Variants in GNS observed in about 807,000 individuals in gnomAD.
GNS encodes the protein glucosamine (N-acetyl)-6-sulfatase.
Under a neutral mutation model 69.7 loss-of-function variants are expected in GNS, and 40 were observed. That is an observed-to-expected ratio of 0.57 (90% CI 0.45 to 0.75). GNS has a LOEUF of 0.75. GNS is among the 30% of genes least tolerant of loss of function. The pLI, the probability that GNS is intolerant of heterozygous loss-of-function variation, is 0.00. For missense variants in GNS, 565 were observed against 685.5 expected (o/e 0.82, Z 1.96); for synonymous variants, 243 against 251.6 (o/e 0.97, Z 0.32).
chr12:64,721,304 T>C (rs1165708466), intron 12 of GNS, among the ~76,000 whole-genome samples: 2 of 152,212 alleles, frequency 1.3e-5, no homozygotes, highest in Non-Finnish European at 2.9e-5. Context: ...CCAACCAATC[T>C]ACCAGGGAAG....
chr12:64,734,352 C>T (rs566044900), intron 9 of GNS, among the ~76,000 whole-genome samples: 1 of 152,160 alleles, frequency 6.6e-6, no homozygotes, highest in Admixed American at 6.5e-5. Flanking sequence ...AAAAGACAAA[C>T]TTAATAGGGT....
At position 64,722,934 on chromosome 12, in the gene GNS, A is replaced by G. The variant is rs527571979; in HGVS notation, c.1308+72T>C. The G allele has an allele frequency of 4.2e-5, 38 of 897,790 alleles. No individual in the cohort carries two copies. In the East Asian group the frequency reaches 8.2e-4, roughly 19 times the overall value. The allele number at this position is 897,790 out of a possible 1,614,324, so 55.6% of individuals were successfully genotyped here. A position where few individuals can be genotyped will look rare whatever the true frequency, so the allele number is the denominator to read the frequency against. Reference sequence around the variant, plus strand: ...CTCAGATGAAAGGTTTCAATATTTGACACATGGCAACCAGCACCTTGCCAT... The same window carrying G: ...CTCAGATGAAAGGTTTCAATATTTGGCACATGGCAACCAGCACCTTGCCAT... On this transcript the variant is annotated intron_variant, in intron 11 of 13. Coordinates refer to ENST00000258145, the MANE Select transcript of GNS (RefSeq NM_002076.4).
At chr12:64,728,048 C>T (rs1001543500) in intron 10 of GNS, among the ~76,000 whole-genome samples, 2 of 152,162 alleles carry the variant, frequency 1.3e-5, no homozygotes. Flanking sequence ...CTCAGCCTCC[C>T]GAGTAGCTGG....
chr12:64,714,566 C>T lies in GNS; in HGVS notation c.*2175G>A, dbSNP rs369653063. The T allele has an allele frequency of 1.3e-4, 20 of 152,104 alleles. No homozygotes were observed. Among genetic ancestry groups the T allele is most frequent in the African/African-American group, 3.9e-4 (16 of 41,402 alleles). 9.4% of individuals were successfully genotyped at this position (152,104 alleles called of 1,614,324 possible). ...AGGAAATATACCAAAAATAGAAGAG[C>T]GTAGAGAGGGCTGCACCACATCCTA... On this transcript the variant is annotated 3_prime_UTR_variant, in exon 14 of 14. Coordinates refer to ENST00000258145, the MANE Select transcript of GNS (RefSeq NM_002076.4).
chr12:64,752,972 A>G, intron 1 of GNS: 1 of 583,670 alleles, frequency 1.7e-6, no homozygotes, highest in East Asian at 2.9e-5. Context: ...AAATGCTTGC[A>G]GGAAGGGAAA....
At chr12:64,756,708 G>A in intron 1 of GNS, 1 of 1,454,752 alleles carries the variant, frequency 6.9e-7, no homozygotes, top group Non-Finnish European at 9.3e-7. Flanking sequence ...TCTTGTCCTA[G>A]CTCTTCCCCT....
chr12:64,758,961 C>G, intron 1 of GNS, 124 bp downstream of exon 1: 2 of 855,854 alleles, frequency 2.3e-6, no homozygotes, highest in South Asian at 2.9e-5. Flanking sequence ...GGTGGGAAAA[C>G]CAAACCTACC....
chr12:64,730,344 A>G (rs1869344261), intron 9 of GNS, among the ~76,000 whole-genome samples: 1 of 150,570 alleles, frequency 6.6e-6, no homozygotes, highest in South Asian at 2.1e-4. Flanking sequence ...ATCTTAGGAG[A>G]GGCCAAACAG....
intron 4 of GNS, 146 bp from the exon 5 acceptor site, chr12:64,745,053 A>C: frequency 6.2e-6 from 4 of 645,676 alleles, no homozygotes; most frequent in South Asian, 5.0e-5. Context: ...GGATTTTTTG[A>C]CTAGGGTTTT....
At chr12:64,758,946 C>T in intron 1 of GNS, 139 bp downstream of exon 1, 1 of 742,248 alleles carries the variant, frequency 1.3e-6, no homozygotes, top group Non-Finnish European at 2.4e-6. Context: ...GCATAAAGGG[C>T]CTCAGGTGGG....
intron 9 of GNS, among the ~76,000 whole-genome samples, chr12:64,731,210 G>A (rs1267660359): frequency 6.6e-6 from 1 of 152,114 alleles, no homozygotes; most frequent in East Asian, 1.9e-4. Context: ...CAGAGCAACT[G>A]GGACTACAGG....
Position 64,745,695 on chromosome 12 carries a change from T to C in GNS, c.489A>G (p.Glu163=). 6.2e-7 allele frequency: 1 copy of C among 1,609,658 alleles called. No homozygotes were observed. The highest frequency in any genetic ancestry group is 2.2e-5 in the East Asian group (1 of 44,862). Residue 163 remains glutamate, a synonymous_variant, in exon 4 of 14, where the codon GAA becomes GAG. Coordinates refer to ENST00000258145, the MANE Select transcript of GNS (RefSeq NM_002076.4). ...EYGAPDAGGL[E]HVPLGWSYWY... ...AGTAACTCCAACCCAGAGGAACGTGTTCTAGTCCACCTGCATCTGGGGCTC... is the reference window on the plus strand; with the variant it reads ...AGTAACTCCAACCCAGAGGAACGTGCTCTAGTCCACCTGCATCTGGGGCTC...
chr12:64,759,031 AAC>A, intron 1 of GNS, 52 bp downstream of exon 1: 1 of 1,402,196 alleles, frequency 7.1e-7, no homozygotes, highest in Non-Finnish European at 9.9e-7. Context: ...GAGAGCAACA[AAC>A]CGGGTAGTCA....
chr12:64,750,023 G>A (rs939897092), intron 2 of GNS, among the ~76,000 whole-genome samples: 48 of 151,886 alleles, frequency 3.2e-4, no homozygotes, highest in Non-Finnish European at 4.6e-4. Flanking sequence ...GACCACAGAC[G>A]TGCACCACCA....
At chr12:64,721,034 A>G (rs1869009931) in intron 12 of GNS, among the ~76,000 whole-genome samples, 1 of 152,228 alleles carries the variant, frequency 6.6e-6, no homozygotes, top group Non-Finnish European at 1.5e-5. Context: ...CATCTGTTCC[A>G]GATGGTCAGA....
chr12:64,742,230 C>G (rs1189788475), intron 6 of GNS, among the ~76,000 whole-genome samples: 4 of 152,126 alleles, frequency 2.6e-5, no homozygotes, highest in Non-Finnish European at 4.4e-5. Flanking sequence ...CTGTGTTAGC[C>G]AGGATGGTCT....
intron 2 of GNS, among the ~76,000 whole-genome samples, chr12:64,751,880 C>T (rs1431944277): frequency 6.8e-6 from 1 of 146,928 alleles, no homozygotes; most frequent in African/African-American, 2.5e-5. Context: ...CTCAGCTACC[C>T]AGAAGGCTGA....
chr12:64,730,776 C>T lies in GNS; in HGVS notation c.1099-1719G>A, dbSNP rs368214667. ...GTGTGAATGTCAATATGGAAGAGGT[C>T]ACAGCAGGAAAGGAGGGTCAGAGAG... On this transcript the variant is annotated intron_variant, in intron 9 of 13. Transcript: ENST00000258145. 9.2e-5 allele frequency among the ~76,000 whole-genome samples: 14 copies of T among 152,230 alleles called. No homozygotes were observed. The East Asian group carries it at 2.5e-3, about 27-fold the overall frequency.
Position 64,737,073 on chromosome 12 carries a change from C to CA in GNS, c.1028dup (p.Tyr344ValfsTer2). On this transcript the variant is annotated frameshift_variant, in exon 9 of 14. Coordinates refer to ENST00000258145, the MANE Select transcript of GNS (RefSeq NM_002076.4). LOFTEE classifies it high-confidence loss of function. ...GTGGAACTTTGATATCAAACTCATA[C>CA]AGCTGTCTCTTGTCTATTGGCAAGG... 1 of 1,598,036 alleles carries CA rather than the reference C, an allele frequency of 6.3e-7. No homozygotes were observed. Among genetic ancestry groups the CA allele is most frequent in the Admixed American group, 1.7e-5 (1 of 59,998 alleles).
Sources: allele counts gnomAD v4.1 joint callset (sites outside exome capture counted in the v4.1 genomes callset), GRCh38; gene constraint gnomAD v4.1.1; transcripts MANE v1.5; gene names NCBI Gene and HGNC (gene_info 2026-07-23, HGNC 2026-07-21).